NUDCD3: variants seen among roughly 807,000 people sequenced by gnomAD.
NUDCD3 encodes the protein NudC domain containing 3.
A neutral mutation model predicts 39.7 loss-of-function variants in NUDCD3; 13 were observed. The ratio of observed to expected loss-of-function variants is 0.33; its 90% CI spans 0.21 to 0.52. The LOEUF (loss-of-function observed/expected upper bound fraction) is 0.52. Ranked by LOEUF, NUDCD3 falls within the 20% of genes least tolerant of loss-of-function variation. NUDCD3 has a pLI of 0.96. For missense variants in NUDCD3, 453 were observed against 458.1 expected, an observed-to-expected ratio of 0.99 and a Z score of 0.10; for synonymous variants, 175 against 172.4, an observed-to-expected ratio of 1.02 and a Z score of -0.12.
intron 4 of NUDCD3, among the ~76,000 whole-genome samples, chr7:44,400,065 G>A (rs768026632): frequency 6.6e-5 from 10 of 152,144 alleles, no homozygotes; most frequent in East Asian, 1.9e-4. Flanking sequence ...AGCCACCCAC[G>A]GCAGCATGGA....
At chr7:44,402,766 A>G (rs1488150818) in intron 4 of NUDCD3, 4 of 448,722 alleles carry the variant, frequency 8.9e-6, no homozygotes, top group Admixed American at 7.1e-5. Flanking sequence ...GGCTATCACG[A>G]CCTCTCAGTC....
At chr7:44,433,278 A>G (rs977606241) in intron 2 of NUDCD3, among the ~76,000 whole-genome samples, 1 of 151,158 alleles carries the variant, frequency 6.6e-6, no homozygotes, top group Admixed American at 6.6e-5. Flanking sequence ...GTGTGTGTGT[A>G]TAGTACATGT....
At chr7:44,479,986 T>C (rs1160982535) in intron 2 of NUDCD3, among the ~76,000 whole-genome samples, 1 of 152,242 alleles carries the variant, frequency 6.6e-6, no homozygotes, top group Non-Finnish European at 1.5e-5. Context: ...AAGCTGAGAA[T>C]GTTCCAGTCC....
chr7:44,412,324 A>G (rs1262219822), intron 3 of NUDCD3, among the ~76,000 whole-genome samples: 3 of 152,264 alleles, frequency 2.0e-5, no homozygotes, highest in Admixed American at 6.5e-5. Context: ...CCTTATTCAC[A>G]TACAACTTGT....
intron 2 of NUDCD3, among the ~76,000 whole-genome samples, chr7:44,439,253 T>C (rs1393022771): frequency 1.3e-5 from 2 of 152,182 alleles, no homozygotes; most frequent in African/African-American, 2.4e-5. Context: ...GGGACACATC[T>C]ACTCCATGAC....
chr7:44,388,528 G>A (rs1013925752), intron 5 of NUDCD3, among the ~76,000 whole-genome samples: 4 of 152,234 alleles, frequency 2.6e-5, no homozygotes, highest in African/African-American at 4.8e-5. Context: ...AAACCTCTGC[G>A]TGTTGCAAGC....
rs181867856 is a variant in NUDCD3 at position 44,473,154 on chromosome 7, C to T, written c.509+11814G>A. ...GTTAGTAAACATCTTGGCCACACATCAGAGTCACCTGGAAAGTTTCTGAAA... is the reference window on the plus strand; with the variant it reads ...GTTAGTAAACATCTTGGCCACACATTAGAGTCACCTGGAAAGTTTCTGAAA... On this transcript the variant is annotated intron_variant, in intron 2 of 5. Coordinates refer to ENST00000355451, the MANE Select transcript of NUDCD3 (RefSeq NM_015332.4). Among the ~76,000 whole-genome samples the T allele has an allele frequency of 8.7e-4, 133 of 152,328 alleles. No individual in the cohort carries two copies. In the Middle Eastern group the frequency reaches 0.014, roughly 16 times the overall value.
At chr7:44,483,876 T>G (rs2237438) in intron 2 of NUDCD3, among the ~76,000 whole-genome samples, 12,488 of 152,200 alleles carry the variant, frequency 0.082, 709 homozygotes, top group East Asian at 0.31. Context: ...GATGTGGTGG[T>G]GCATGCCTAT....
chr7:44,418,028 C>T (rs1799060073), intron 3 of NUDCD3, among the ~76,000 whole-genome samples: 1 of 152,150 alleles, frequency 6.6e-6, no homozygotes, highest in Admixed American at 6.5e-5. Flanking sequence ...CTTAGGGATG[C>T]CATGGACCCC....
At chr7:44,393,753 C>G (rs567856394) in intron 4 of NUDCD3, among the ~76,000 whole-genome samples, 1 of 152,134 alleles carries the variant, frequency 6.6e-6, no homozygotes, top group African/African-American at 2.4e-5. Context: ...GCAAAGGGCC[C>G]GCAAGTGAGA....
chr7:44,436,347 T>C (rs73105357), intron 2 of NUDCD3, among the ~76,000 whole-genome samples: 19,567 of 152,248 alleles, frequency 0.13, 1,670 homozygotes, highest in Non-Finnish European at 0.19. Flanking sequence ...TGCTAAGTGA[T>C]GAAGCAGGGT....
intron 4 of NUDCD3, among the ~76,000 whole-genome samples, chr7:44,393,114 G>T (rs1192221387): frequency 6.6e-6 from 1 of 151,920 alleles, no homozygotes; most frequent in Non-Finnish European, 1.5e-5. Context: ...TCCTCACTGG[G>T]GCCAAGCTTG....
In NUDCD3 at chr7:44,381,967, G is replaced by C. The variant is rs1248670225; in HGVS notation, c.*4044C>G. Reference sequence around the variant, plus strand: ...CTGGTCTCCCCATCACCCTCTGAGGGGGAAGCAGGAAGTTGTGAGGGGTAG... The same window carrying C: ...CTGGTCTCCCCATCACCCTCTGAGGCGGAAGCAGGAAGTTGTGAGGGGTAG... On this transcript the variant is annotated 3_prime_UTR_variant, in exon 6 of 6. Transcript: ENST00000355451. 2 of 152,256 alleles carry C rather than the reference G, an allele frequency of 1.3e-5. No individual in the cohort carries two copies. The highest frequency in any genetic ancestry group is 6.5e-5 in the Admixed American group (1 of 15,282). The allele number at this position is 152,256 out of a possible 1,614,324, so 9.4% of individuals were successfully genotyped here.
intron 5 of NUDCD3, among the ~76,000 whole-genome samples, chr7:44,390,605 G>A (rs1029799265): frequency 6.6e-6 from 1 of 152,138 alleles, no homozygotes; most frequent in African/African-American, 2.4e-5. Context: ...GGAACAAAAG[G>A]CATCTGGGTT....
At chr7:44,477,698 C>A (rs1800401964) in intron 2 of NUDCD3, among the ~76,000 whole-genome samples, 1 of 152,134 alleles carries the variant, frequency 6.6e-6, no homozygotes, top group African/African-American at 2.4e-5. Context: ...GCAGACTTTG[C>A]GCCCCTCTCT....
At chr7:44,405,643 T>C (rs767290687) in intron 3 of NUDCD3, among the ~76,000 whole-genome samples, 16 of 152,196 alleles carry the variant, frequency 1.1e-4, no homozygotes, top group African/African-American at 3.4e-4. Context: ...TATAAAATGA[T>C]TGGAAAAAAA....
intron 2 of NUDCD3, among the ~76,000 whole-genome samples, chr7:44,482,682 G>C (rs557371637): frequency 6.6e-6 from 1 of 152,012 alleles, no homozygotes; most frequent in Non-Finnish European, 1.5e-5. Flanking sequence ...CCAGAGACTC[G>C]ACAGCATAAC....
At chr7:44,482,976 A>G (rs1327250401) in intron 2 of NUDCD3, among the ~76,000 whole-genome samples, 1 of 152,196 alleles carries the variant, frequency 6.6e-6, no homozygotes, top group Non-Finnish European at 1.5e-5. Context: ...TTAACTACAG[A>G]TTAGACACCA....
At chr7:44,424,798 A>G (rs566824674) in intron 3 of NUDCD3, among the ~76,000 whole-genome samples, 4 of 152,342 alleles carry the variant, frequency 2.6e-5, no homozygotes, top group African/African-American at 4.8e-5. Flanking sequence ...GTATATATAT[A>G]CCCAAAGGAT....
Sources: gnomAD v4.1 joint callset for allele counts (sites outside exome capture counted in the v4.1 genomes callset) on GRCh38, gnomAD v4.1.1 for gene constraint, MANE v1.5 for transcripts, NCBI Gene and HGNC (gene_info 2026-07-23, HGNC 2026-07-21) for gene names.